LHFPL3: variants seen among roughly 807,000 people sequenced by gnomAD.
The protein encoded by LHFPL3 is LHFPL tetraspan subfamily member 3.
A neutral mutation model predicts 19.3 loss-of-function variants in LHFPL3; 5 were observed. That is an observed-to-expected ratio of 0.26 (90% CI 0.14 to 0.54). The LOEUF is 0.54. Among genes scored for constraint, LHFPL3 ranks in the 20% least tolerant of loss-of-function variants. The pLI is 0.94. For missense variants in LHFPL3, 249 were observed against 307.4 expected (o/e 0.81, Z 1.42); for synonymous variants, 133 against 126.2 (o/e 1.05, Z -0.36).
At chr7:104,343,110 T>G (rs1013148597) in intron 1 of LHFPL3, among the ~76,000 whole-genome samples, 1 of 152,020 alleles carries the variant, frequency 6.6e-6, no homozygotes, top group South Asian at 2.1e-4. Context: ...GGAATGAGTC[T>G]CACTTATAAT....
At chr7:104,584,817 A>G (rs1584418178) in intron 1 of LHFPL3, among the ~76,000 whole-genome samples, 1 of 152,308 alleles carries the variant, frequency 6.6e-6, no homozygotes, top group South Asian at 2.1e-4. Context: ...CTCATGAGTC[A>G]TAGTGGTCTA....
chr7:104,521,668 C>T lies in LHFPL3; in HGVS notation c.445+192444C>T, dbSNP rs138323628. ...ACAAAGGGCTAATATCCAGAATCTA[C>T]AATGAACAAACAAATTTACAAGAAA... On this transcript the variant is annotated intron_variant, in intron 1 of 2. Transcript: ENST00000424859. Among the ~76,000 whole-genome samples, 287 of 152,148 alleles carry T rather than the reference C, an allele frequency of 1.9e-3. 3 individuals carry two copies. Among genetic ancestry groups the T allele is most frequent in the African/African-American group, 6.1e-3 (252 of 41,496 alleles).
At chr7:104,417,451 T>A (rs1403286999) in intron 1 of LHFPL3, among the ~76,000 whole-genome samples, 1 of 152,254 alleles carries the variant, frequency 6.6e-6, no homozygotes, top group Non-Finnish European at 1.5e-5. Context: ...TAAGGTTGAT[T>A]TGATTTGCAT....
At chr7:104,555,342 T>C (rs1794743696) in intron 1 of LHFPL3, among the ~76,000 whole-genome samples, 1 of 152,188 alleles carries the variant, frequency 6.6e-6, no homozygotes, top group Non-Finnish European at 1.5e-5. Context: ...AAGACAAATC[T>C]AAGACTGGGA....
intron 2 of LHFPL3, among the ~76,000 whole-genome samples, chr7:104,896,463 C>T (rs1439189748): frequency 6.6e-6 from 1 of 152,168 alleles, no homozygotes; most frequent in Non-Finnish European, 1.5e-5. Context: ...GCTCCATTAA[C>T]GGATGACTGG....
chr7:104,838,195 T>G (rs1791133874), intron 2 of LHFPL3, among the ~76,000 whole-genome samples: 1 of 152,212 alleles, frequency 6.6e-6, no homozygotes, highest in South Asian at 2.1e-4. Flanking sequence ...TTTGAGGAAC[T>G]TTTTCAAAAG....
intron 2 of LHFPL3, among the ~76,000 whole-genome samples, chr7:104,852,092 C>T (rs555577247): frequency 6.6e-6 from 1 of 152,030 alleles, no homozygotes; most frequent in Non-Finnish European, 1.5e-5. Context: ...AAAGCAGATA[C>T]CCCCCAACCC....
At chr7:104,329,323 G>A in intron 1 of LHFPL3, 99 bp downstream of exon 1, 1 of 1,433,338 alleles carries the variant, frequency 7.0e-7, no homozygotes. Context: ...GCGCCGCTGC[G>A]AGCCAAGCCG....
In LHFPL3 at chr7:104,535,963, C is replaced by T. The variant is rs529057491; in HGVS notation, c.446-200712C>T. On this transcript the variant is annotated intron_variant, in intron 1 of 2. Coordinates refer to ENST00000424859, the MANE Select transcript of LHFPL3 (RefSeq NM_199000.3). ...GACCACCTGTGTGTGCTCATTGGCA[C>T]AGTCAGTACAGCTCTCCCATCTGGA... Among the ~76,000 whole-genome samples the T allele has an allele frequency of 9.8e-5, 15 of 152,318 alleles. No homozygotes were observed. In the East Asian group the frequency reaches 1.9e-3, roughly 20 times the overall value.
intron 1 of LHFPL3, among the ~76,000 whole-genome samples, chr7:104,354,335 C>T (rs1389276962): frequency 6.6e-6 from 1 of 152,210 alleles, no homozygotes; most frequent in Admixed American, 6.5e-5. Context: ...CCACACCAGA[C>T]AACTGGGAAG....
intron 1 of LHFPL3, among the ~76,000 whole-genome samples, chr7:104,481,884 A>T (rs148351436): frequency 8.3e-4 from 126 of 152,284 alleles, no homozygotes; most frequent in East Asian, 5.4e-3. Flanking sequence ...CTGACCTTGC[A>T]GTCTAGGATA....
At chr7:104,337,150 A>G (rs1036973891) in intron 1 of LHFPL3, among the ~76,000 whole-genome samples, 15 of 152,156 alleles carry the variant, frequency 9.9e-5, no homozygotes, top group Non-Finnish European at 2.1e-4. Context: ...AATGTGTATT[A>G]TAATTGACAG....
chr7:104,385,252 C>T (rs758968520), intron 1 of LHFPL3, among the ~76,000 whole-genome samples: 2 of 152,200 alleles, frequency 1.3e-5, no homozygotes, highest in Non-Finnish European at 2.9e-5. Context: ...TTTCTCTGCC[C>T]ATCCTGTAAA....
At chr7:104,590,205 A>G (rs972225427) in intron 1 of LHFPL3, among the ~76,000 whole-genome samples, 5 of 152,048 alleles carry the variant, frequency 3.3e-5, no homozygotes, top group African/African-American at 1.2e-4. Flanking sequence ...TTGTGATGTT[A>G]GGGTGTCAAT....
At chr7:104,807,023 G>A (rs1006812382) in intron 2 of LHFPL3, among the ~76,000 whole-genome samples, 1,675 of 86,894 alleles carry the variant, frequency 0.019, 28 homozygotes, top group African/African-American at 0.059. Flanking sequence ...GTGTGTGTGT[G>A]TGTGTGTGTG....
At chr7:104,864,827 C>G (rs1046765255) in intron 2 of LHFPL3, among the ~76,000 whole-genome samples, 1 of 151,994 alleles carries the variant, frequency 6.6e-6, no homozygotes, top group Non-Finnish European at 1.5e-5. Flanking sequence ...AGTAGCCTAA[C>G]TGGGGGCAGA....
At chr7:104,522,101 G>A (rs1794076891) in intron 1 of LHFPL3, among the ~76,000 whole-genome samples, 1 of 151,968 alleles carries the variant, frequency 6.6e-6, no homozygotes, top group Admixed American at 6.6e-5. Context: ...TGTTTACTGA[G>A]GCATTATTCA....
At chr7:104,858,206 T>C (rs967492619) in intron 2 of LHFPL3, among the ~76,000 whole-genome samples, 1 of 152,204 alleles carries the variant, frequency 6.6e-6, no homozygotes, top group African/African-American at 2.4e-5. Context: ...TACAACTTGC[T>C]GGCCTCCTCA....
chr7:104,652,595 A>G (rs1792052121), intron 1 of LHFPL3, among the ~76,000 whole-genome samples: 1 of 152,102 alleles, frequency 6.6e-6, no homozygotes, highest in Non-Finnish European at 1.5e-5. Context: ...TGGGAACATA[A>G]GCACTGCAAA....
Sources: allele counts gnomAD v4.1 joint callset (sites outside exome capture counted in the v4.1 genomes callset), GRCh38; gene constraint gnomAD v4.1.1; transcripts MANE v1.5; gene names NCBI Gene and HGNC (gene_info 2026-07-23, HGNC 2026-07-21).